Variants in GNAL observed in about 807,000 individuals in gnomAD.
The protein encoded by GNAL is guanine nucleotide-binding protein G(olf) subunit alpha.
Under a neutral mutation model 55.1 loss-of-function variants are expected in GNAL, and 18 were observed. The observed-to-expected ratio is 0.33, with a 90% CI of 0.23 to 0.48. The LOEUF is 0.48. Among genes scored for constraint, GNAL ranks in the 20% least tolerant of loss-of-function variants. The pLI is 0.99. For synonymous variants in GNAL, 253 were observed against 237.0 expected (o/e 1.07, Z -0.62); for missense variants, 412 against 614.1 (o/e 0.67, Z 3.48).
intron 11 of GNAL, among the ~76,000 whole-genome samples, chr18:11,877,542 G>T (rs620641): frequency 0.52 from 79,228 of 151,962 alleles, 20,940 homozygotes; most frequent in Middle Eastern, 0.63. Context: ...CTGTCTATAT[G>T]ATTTTCTTTG....
At chr18:11,795,595 T>C (rs752680033) in intron 4 of GNAL, among the ~76,000 whole-genome samples, 1 of 152,194 alleles carries the variant, frequency 6.6e-6, no homozygotes, top group Non-Finnish European at 1.5e-5. Flanking sequence ...GCTTTGTACT[T>C]AGTGTAAATG....
chr18:11,752,651 G>A lies in GNAL; in HGVS notation c.377-202G>A, dbSNP rs1220561550. ...AGCCAGGAGCGGCGAGCGCCAGGCT[G>A]GGCGGGCAGGGCCGGGCGAGGGTCG... On this transcript the variant is annotated intron_variant, in intron 1 of 11. Transcript: ENST00000334049. The surrounding 1 kb of genome is among the most constrained non-coding windows in gnomAD (Gnocchi z 4.5). 1.4e-6 allele frequency: 2 copies of A among 1,386,188 alleles called. No individual in the cohort carries two copies. The highest frequency in any genetic ancestry group is 1.9e-6 in the Non-Finnish European group (2 of 1,065,500). The allele number at this position is 1,386,188 out of a possible 1,614,324, so 85.9% of individuals were successfully genotyped here. A position where few individuals can be genotyped will look rare whatever the true frequency, so the allele number is the denominator to read the frequency against.
intron 5 of GNAL, among the ~76,000 whole-genome samples, chr18:11,855,089 T>G (rs1316184673): frequency 6.6e-6 from 1 of 151,750 alleles, no homozygotes; most frequent in African/African-American, 2.4e-5. Context: ...CCTGGCTAAT[T>G]TTTGTTTTTG....
rs142585276 is a variant in GNAL at position 11,708,114 on chromosome 18, A to G, written c.376+18175A>G. On this transcript the variant is annotated intron_variant, in intron 1 of 11. Transcript: ENST00000334049. ...GGAGTAGCACTTTTAATTTCCTTCA[A>G]GAAGTCTCTCTTGGCATTCACAACT... Among the ~76,000 whole-genome samples the G allele has an allele frequency of 5.1e-3, 773 of 152,316 alleles. 5 individuals carry two copies. The highest frequency in any genetic ancestry group is 0.018 in the African/African-American group (736 of 41,566).
At chr18:11,810,474 A>G (rs2034783007) in intron 4 of GNAL, 1 of 152,256 alleles carries the variant, frequency 6.6e-6, no homozygotes. Context: ...CTGCCCATTG[A>G]TAACACAGAG....
chr18:11,747,977 G>A (rs1476673124), intron 1 of GNAL, among the ~76,000 whole-genome samples: 1 of 152,164 alleles, frequency 6.6e-6, no homozygotes, highest in Admixed American at 6.5e-5. Flanking sequence ...ACTGGCAGCG[G>A]GCGCCACTCT....
At chr18:11,796,575 C>CAAAAAAAAAAAAAA (rs760136358) in intron 4 of GNAL, among the ~76,000 whole-genome samples, 8 of 58,940 alleles carry the variant, frequency 1.4e-4, no homozygotes, top group East Asian at 5.0e-4. Flanking sequence ...CTCCTTCTCA[C>CAAAAAAAAAAAAAA]AAAAAAAAAA....
intron 4 of GNAL, chr18:11,810,735 T>G (rs1197218802): frequency 6.6e-6 from 1 of 152,560 alleles, no homozygotes; most frequent in Non-Finnish European, 1.5e-5. Flanking sequence ...GCTACCCCTT[T>G]TCTTCCCTGT....
rs2032580758 is a variant in GNAL at position 11,741,744 on chromosome 18, T to C, written c.377-11109T>C. Among the ~76,000 whole-genome samples, 4 of 152,222 alleles carry C rather than the reference T, an allele frequency of 2.6e-5. No homozygotes were observed. In the South Asian group the frequency reaches 6.2e-4, roughly 24 times the overall value. Reference sequence around the variant, plus strand: ...TCACCTGCTGGTGTAAAAGTATAATTGCAGTAAATGTGTCTAAGAACAAGG... The same window carrying C: ...TCACCTGCTGGTGTAAAAGTATAATCGCAGTAAATGTGTCTAAGAACAAGG... On this transcript the variant is annotated intron_variant, in intron 1 of 11. Transcript: ENST00000334049.
intron 10 of GNAL, among the ~76,000 whole-genome samples, chr18:11,874,851 G>GT: frequency 6.9e-6 from 1 of 145,906 alleles, no homozygotes; most frequent in East Asian, 2.1e-4. Flanking sequence ...CCCACAGCAG[G>GT]TGCTGCGCCC....
At position 11,718,949 on chromosome 18, in the gene GNAL, T is replaced by C. The variant is rs150496070; in HGVS notation, c.376+29010T>C. Among the ~76,000 whole-genome samples, 847 of 152,256 alleles carry C rather than the reference T, an allele frequency of 5.6e-3. 5 individuals carry two copies. The highest frequency in any genetic ancestry group is 0.018 in the African/African-American group (735 of 41,558). ...TAAAGCCCTGACTTTATAAAGCAAA[T>C]TTAATATGAATTTTGTGTACCATGA... On this transcript the variant is annotated intron_variant, in intron 1 of 11. Coordinates refer to ENST00000334049, the MANE Select transcript of GNAL (RefSeq NM_182978.4).
intron 4 of GNAL, among the ~76,000 whole-genome samples, chr18:11,771,762 T>C (rs1344820640): frequency 6.6e-6 from 1 of 152,122 alleles, no homozygotes; most frequent in East Asian, 1.9e-4. Flanking sequence ...TCACCCAGGC[T>C]GGAGTATAGT....
At chr18:11,825,246 G>A (rs749082379) in intron 5 of GNAL, among the ~76,000 whole-genome samples, 7 of 152,120 alleles carry the variant, frequency 4.6e-5, no homozygotes, top group Non-Finnish European at 1.0e-4. Context: ...TGTCCTGATT[G>A]TTTTCAGTTC....
chr18:11,712,030 T>C (rs2031850551), intron 1 of GNAL, among the ~76,000 whole-genome samples: 1 of 152,260 alleles, frequency 6.6e-6, no homozygotes, highest in Non-Finnish European at 1.5e-5. Flanking sequence ...TACTATACCA[T>C]AGGCCAGGGT....
chr18:11,851,939 C>T, intron 5 of GNAL: 1 of 1,613,978 alleles, frequency 6.2e-7, no homozygotes, highest in Non-Finnish European at 8.5e-7. Context: ...ACGACGCTCA[C>T]CACTCCCCAG....
intron 4 of GNAL, among the ~76,000 whole-genome samples, chr18:11,768,565 C>G: frequency 6.6e-6 from 1 of 151,640 alleles, no homozygotes; most frequent in Non-Finnish European, 1.5e-5. Context: ...CACGCCACTG[C>G]ACTCCAGCCT....
chr18:11,805,024 A>G (rs569015925), intron 4 of GNAL, among the ~76,000 whole-genome samples: 89 of 151,182 alleles, frequency 5.9e-4, no homozygotes, highest in Non-Finnish European at 1.1e-3. Flanking sequence ...TGAATGGAAC[A>G]TGGAGATACT....
intron 4 of GNAL, 81 bp downstream of exon 4, chr18:11,754,026 T>A: frequency 4.0e-6 from 4 of 1,007,336 alleles, no homozygotes; most frequent in Non-Finnish European, 6.2e-6. Context: ...GAATCAATAT[T>A]GATACTAATT....
Position 11,727,498 on chromosome 18 carries a change from C to T in GNAL, c.377-25355C>T, listed in dbSNP as rs115912343. 4.5e-3 allele frequency among the ~76,000 whole-genome samples: 691 copies of T among 152,314 alleles called. 8 individuals are homozygous for T. Among genetic ancestry groups the T allele is most frequent in the African/African-American group, 0.015 (643 of 41,586 alleles). On this transcript the variant is annotated intron_variant, in intron 1 of 11. Coordinates refer to ENST00000334049, the MANE Select transcript of GNAL (RefSeq NM_182978.4). Reference sequence around the variant, plus strand: ...CCTGTGGTCCTAGCTGTTCCAGTAACGGATGGGCTGCAGCTTCTGCTCCCC... The same window carrying T: ...CCTGTGGTCCTAGCTGTTCCAGTAATGGATGGGCTGCAGCTTCTGCTCCCC...
Sources: allele counts gnomAD v4.1 joint callset (sites outside exome capture counted in the v4.1 genomes callset), GRCh38; gene constraint gnomAD v4.1.1; non-coding constraint Gnocchi (gnomAD v3.1); transcripts MANE v1.5; gene names NCBI Gene and HGNC (gene_info 2026-07-23, HGNC 2026-07-21).